Variants in ADAMTS16 observed in about 807,000 individuals in gnomAD.
The protein encoded by ADAMTS16 is ADAM metallopeptidase with thrombospondin type 1 motif 16.
ADAMTS16 carries 94 observed loss-of-function variants against 145.8 expected under a neutral mutation model. The ratio of observed to expected loss-of-function variants is 0.64; its 90% CI spans 0.55 to 0.77. The LOEUF is 0.77. ADAMTS16 is among the 30% of genes least tolerant of loss of function. The pLI, the probability that ADAMTS16 is intolerant of heterozygous loss-of-function variation, is 0.00. For synonymous variants in ADAMTS16, 659 were observed against 604.3 expected, an observed-to-expected ratio of 1.09 and a Z score of -1.33; for missense variants, 1,585 against 1,591.5, an observed-to-expected ratio of 1.00 and a Z score of 0.07.
rs1030486831 is a variant in ADAMTS16, at chr5:5,303,417, C to A, written c.2939C>A (p.Ala980Asp). 1.2e-6 allele frequency: 2 copies of A among 1,609,366 alleles called. No homozygotes were observed. Among genetic ancestry groups the A allele is most frequent in the Admixed American group, 3.4e-5 (2 of 59,252 alleles). ...CAGCCTGCTCCCTCCAGCAGGCAGGCCTGCAACTCTCAGAGCTGCCCACCT... is the reference window on the plus strand; with the variant it reads ...CAGCCTGCTCCCTCCAGCAGGCAGGACTGCAACTCTCAGAGCTGCCCACCT... ...CPQPAPSSRQ[A>D]CNSQSCPPAW... is the part of the protein sequence containing the mutation. Residue 980 changes from alanine (A) to aspartate (D), a missense_variant, in exon 19 of 23, where the codon GCC becomes GAC. Around this residue, in one of 3 missense-constraint regions of ADAMTS16, gnomAD observed 834 missense variants for 811.7 expected, o/e 1.03. Coordinates refer to ENST00000274181, the MANE Select transcript of ADAMTS16 (RefSeq NM_139056.4).
At chr5:5,284,572 G>A (rs1396579786) in intron 18 of ADAMTS16, among the ~76,000 whole-genome samples, 1 of 152,150 alleles carries the variant, frequency 6.6e-6, no homozygotes, top group African/African-American at 2.4e-5. Context: ...AAGGATGATT[G>A]CTCCTGGATT....
chr5:5,199,803 G>A (rs1047041091), intron 8 of ADAMTS16, among the ~76,000 whole-genome samples: 3 of 152,206 alleles, frequency 2.0e-5, no homozygotes, highest in African/African-American at 4.8e-5. Context: ...AGAAAAGAGT[G>A]TGGAGAAAAA....
In ADAMTS16 at chr5:5,226,013, T is replaced by C. The variant is rs998397210; in HGVS notation, c.1701+3129T>C. ...CACAAAGAACTTCCTTGTGAGTAAT[T>C]TGTGAGGGAGTCCACCCATGGAGAC... is the stretch of plus-strand genomic sequence containing the variant. On this transcript the variant is annotated intron_variant, in intron 11 of 22. Transcript: ENST00000274181. Among the ~76,000 whole-genome samples the C allele has an allele frequency of 5.3e-5, 8 of 152,222 alleles. No homozygotes were observed. In the East Asian group the frequency reaches 1.4e-3, roughly 26 times the overall value.
At chr5:5,286,311 A>G (rs16875241) in intron 18 of ADAMTS16, among the ~76,000 whole-genome samples, 8,732 of 152,300 alleles carry the variant, frequency 0.057, 311 homozygotes, top group Middle Eastern at 0.13. Context: ...AATTATGCCA[A>G]TGATAATACA....
intron 10 of ADAMTS16, among the ~76,000 whole-genome samples, chr5:5,213,984 T>C (rs1419824071): frequency 6.6e-6 from 1 of 152,250 alleles, no homozygotes; most frequent in East Asian, 1.9e-4. Context: ...TGAACAGGCC[T>C]CTACTCTGAC....
chr5:5,200,905 A>C (rs1735935824), intron 9 of ADAMTS16, among the ~76,000 whole-genome samples: 1 of 152,256 alleles, frequency 6.6e-6, no homozygotes, highest in Admixed American at 6.5e-5. Context: ...TCCTTGAAAA[A>C]TAGTAGATTT....
intron 18 of ADAMTS16, among the ~76,000 whole-genome samples, chr5:5,301,233 AT>A (rs908491114): frequency 6.6e-6 from 1 of 151,760 alleles, no homozygotes; most frequent in Non-Finnish European, 1.5e-5. Flanking sequence ...TAATTTTTGT[AT>A]TTTTTGTGTG....
chr5:5,253,358 A>G lies in ADAMTS16; in HGVS notation c.2663-9299A>G, dbSNP rs373620877. Among the ~76,000 whole-genome samples, 3 of 152,358 alleles carry G rather than the reference A, an allele frequency of 2.0e-5. No individual in the cohort carries two copies. The South Asian group carries it at 6.2e-4, about 32-fold the overall frequency. On this transcript the variant is annotated intron_variant, in intron 17 of 22. Transcript: ENST00000274181. ...AGCTTCCAGGTTACAAGTAGATACA[A>G]GACAACAGGTTGCATTCTTTTGTGT... is the stretch of plus-strand genomic sequence containing the variant.
intron 18 of ADAMTS16, among the ~76,000 whole-genome samples, chr5:5,298,540 C>T (rs564410989): frequency 6.6e-6 from 1 of 152,260 alleles, no homozygotes; most frequent in Non-Finnish European, 1.5e-5. Flanking sequence ...ACATCATTGT[C>T]TCCCAAGTTC....
chr5:5,170,070 T>C (rs1348625409), intron 3 of ADAMTS16, among the ~76,000 whole-genome samples: 1 of 152,210 alleles, frequency 6.6e-6, no homozygotes, highest in Non-Finnish European at 1.5e-5. Context: ...TACTTAGGAA[T>C]AGGATTGCTG....
At chr5:5,182,744 T>C (rs1735376487) in intron 4 of ADAMTS16, among the ~76,000 whole-genome samples, 1 of 152,180 alleles carries the variant, frequency 6.6e-6, no homozygotes, top group Non-Finnish European at 1.5e-5. Flanking sequence ...CAGTGTGACA[T>C]AGTAGACCTG....
chr5:5,150,549 C>T lies in ADAMTS16; in HGVS notation c.501+4094C>T, dbSNP rs559750857. Among the ~76,000 whole-genome samples the T allele has an allele frequency of 2.6e-4, 39 of 152,340 alleles. No individual in the cohort carries two copies. The Middle Eastern group carries it at 0.01, about 40-fold the overall frequency. ...CTGGGTTTTATACCCGGGCACATGACGTGCTGGACAAGTTCTGCAGTTCAA... is the reference window on the plus strand; with the variant it reads ...CTGGGTTTTATACCCGGGCACATGATGTGCTGGACAAGTTCTGCAGTTCAA... On this transcript the variant is annotated intron_variant, in intron 3 of 22. Coordinates refer to ENST00000274181, the MANE Select transcript of ADAMTS16 (RefSeq NM_139056.4).
At chr5:5,238,388 T>A (rs1737177386) in intron 14 of ADAMTS16, among the ~76,000 whole-genome samples, 1 of 152,224 alleles carries the variant, frequency 6.6e-6, no homozygotes, top group Admixed American at 6.5e-5. Flanking sequence ...ATTAATTAGT[T>A]AATTATGGGA....
At chr5:5,212,481 C>T (rs932856057) in intron 10 of ADAMTS16, among the ~76,000 whole-genome samples, 11 of 152,098 alleles carry the variant, frequency 7.2e-5, no homozygotes, top group Non-Finnish European at 1.3e-4. Context: ...CTTCATAATT[C>T]GGTGCACATA....
intron 3 of ADAMTS16, among the ~76,000 whole-genome samples, chr5:5,157,000 G>A (rs1025205114): frequency 6.6e-5 from 10 of 152,196 alleles, no homozygotes; most frequent in Admixed American, 2.6e-4. Context: ...TCCATCCCCA[G>A]TGATTCCAGG....
chr5:5,217,228 G>A (rs1736463244), intron 10 of ADAMTS16, among the ~76,000 whole-genome samples: 1 of 151,624 alleles, frequency 6.6e-6, no homozygotes. Context: ...TTAAACATTA[G>A]ACCTAAAACC....
Position 5,319,267 on chromosome 5 carries a change from C to T in ADAMTS16, c.*129C>T. The stretch of plus-strand genomic sequence containing the variant: ...GCCAAAAGAAGAAAACCGTGTTAGG[C>T]TCTTTGACCAGGAGTGTATGTATGT... On this transcript the variant is annotated 3_prime_UTR_variant, in exon 23 of 23. Coordinates refer to ENST00000274181, the MANE Select transcript of ADAMTS16 (RefSeq NM_139056.4). 1 of 714,746 alleles carries T rather than the reference C, an allele frequency of 1.4e-6. No individual in the cohort carries two copies. The highest frequency in any genetic ancestry group is 1.7e-5 in the South Asian group (1 of 59,134). 44.3% of individuals were successfully genotyped at this position (714,746 alleles called of 1,614,324 possible).
At chr5:5,187,647 G>A (rs918693009) in intron 5 of ADAMTS16, 78 bp from the exon 6 acceptor site, 118 of 905,124 alleles carry the variant, frequency 1.3e-4, no homozygotes, top group African/African-American at 2.0e-4. Flanking sequence ...GAACAAGGGC[G>A]TTGGATTCTA....
chr5:5,239,245 G>A lies in ADAMTS16; in HGVS notation c.2249G>A (p.Gly750Asp). 2 of 1,594,424 alleles carry A rather than the reference G, an allele frequency of 1.3e-6. No homozygotes were observed. The highest frequency in any genetic ancestry group is 1.1e-5 in the South Asian group (1 of 87,374). ...GNNSACTIHR[G>D]LYTKHHHTNQ... ...AACTCAGCCTGCACGATTCACAGGG[G>A]TCTCTACACCAAGCACCACCACACC... The change falls in exon 15 of 23, where the codon GGT becomes GAT. Residue 750 changes from glycine to aspartate, a missense_variant. This residue lies in a region of ADAMTS16 where 834 missense variants were observed against 811.7 expected (regional missense o/e 1.03). Coordinates refer to ENST00000274181, the MANE Select transcript of ADAMTS16 (RefSeq NM_139056.4).
Sources: allele counts gnomAD v4.1 joint callset (sites outside exome capture counted in the v4.1 genomes callset), GRCh38; gene constraint gnomAD v4.1.1; regional missense constraint gnomAD v4.1.1; transcripts MANE v1.5; gene names NCBI Gene and HGNC (gene_info 2026-07-23, HGNC 2026-07-21).